The following NAALADL2 variants were observed in gnomAD, a reference collection of about 807,000 sequenced individuals.
NAALADL2 encodes the protein inactive N-acetylated-alpha-linked acidic dipeptidase-like protein 2.
NAALADL2 carries 76 observed loss-of-function variants against 87.2 expected under a neutral mutation model. The observed-to-expected ratio is 0.87, with a 90% confidence interval of 0.72 to 1.05. NAALADL2 has a LOEUF of 1.05. Among genes scored for constraint, NAALADL2 ranks in the 50% least tolerant of loss-of-function variants. The probability of loss-of-function intolerance (pLI) is 0.00; values close to 1 mark genes in which losing one functional copy is unlikely to be tolerated. For missense variants in NAALADL2, 1,089 were observed against 945.8 expected (o/e 1.15, Z -1.99); for synonymous variants, 354 against 331.0 (o/e 1.07, Z -0.75).
intron 5 of NAALADL2, among the ~76,000 whole-genome samples, chr3:175,363,537 T>C (rs924424849): frequency 6.8e-6 from 1 of 147,706 alleles, no homozygotes; most frequent in African/African-American, 2.5e-5. Flanking sequence ...TGTCTCTCTG[T>C]GTCTTTGCTT....
At chr3:174,517,983 A>C (rs893486460) in intron 1 of NAALADL2, among the ~76,000 whole-genome samples, 13 of 152,146 alleles carry the variant, frequency 8.5e-5, no homozygotes, top group African/African-American at 3.1e-4. Flanking sequence ...AGACGACTGA[A>C]GTGTAGAGGT....
intron 10 of NAALADL2, among the ~76,000 whole-genome samples, chr3:175,591,782 GTGTA>G (rs1213834212): frequency 2.4e-4 from 5 of 20,526 alleles, no homozygotes; most frequent in Admixed American, 1.6e-3. Flanking sequence ...GTGTGTGTGT[GTGTA>G]TATATATATA....
chr3:175,056,645 A>G (rs917340542), intron 1 of NAALADL2, among the ~76,000 whole-genome samples: 6 of 152,108 alleles, frequency 3.9e-5, no homozygotes, highest in Admixed American at 3.3e-4. Flanking sequence ...TCCAACAGAG[A>G]TTTACCTATG....
At chr3:174,492,823 C>T (rs1011380871) in intron 1 of NAALADL2, among the ~76,000 whole-genome samples, 2 of 152,104 alleles carry the variant, frequency 1.3e-5, no homozygotes, top group African/African-American at 2.4e-5. Context: ...TCAGTCTGAC[C>T]ACTTTCCTTT....
At chr3:174,800,837 A>G (rs1718739678) in intron 3 of NAALADL2, among the ~76,000 whole-genome samples, 1 of 152,208 alleles carries the variant, frequency 6.6e-6, no homozygotes, top group African/African-American at 2.4e-5. Context: ...GATGAGAGAC[A>G]TGGAGTCAAA....
rs149408471 is a variant in NAALADL2 at position 175,530,336 on chromosome 3, A to C, written c.1654-45705A>C. Among the ~76,000 whole-genome samples the C allele has an allele frequency of 8.6e-3, 1,309 of 152,268 alleles. 21 individuals carry two copies. The highest frequency in any genetic ancestry group is 0.03 in the African/African-American group (1,248 of 41,534). On this transcript the variant is annotated intron_variant, in intron 9 of 13. Transcript: ENST00000454872. ...TAAATTTATTTGTCGCCAATTTTCC[A>C]ATCATGCTTCTTCCAAGTCACTGAC... is the stretch of plus-strand genomic sequence containing the variant.
intron 3 of NAALADL2, among the ~76,000 whole-genome samples, chr3:174,803,086 C>T (rs1719030241): frequency 6.6e-6 from 1 of 152,156 alleles, no homozygotes; most frequent in Non-Finnish European, 1.5e-5. Context: ...CTACTTTACG[C>T]TCCCACCAAC....
At chr3:174,867,029 T>C (rs1579269776) in intron 1 of NAALADL2, among the ~76,000 whole-genome samples, 2 of 151,844 alleles carry the variant, frequency 1.3e-5, no homozygotes, top group East Asian at 1.9e-4. Flanking sequence ...AAATATCTTA[T>C]GTTGTTTAGT....
intron 2 of NAALADL2, among the ~76,000 whole-genome samples, chr3:174,689,970 TA>T (rs3040030): frequency 0.52 from 78,096 of 149,208 alleles, 20,758 homozygotes; most frequent in East Asian, 0.84. Context: ...CTTGATCTTC[TA>T]AAAAAAAAAA....
intron 9 of NAALADL2, among the ~76,000 whole-genome samples, chr3:175,479,981 G>A (rs1183076853): frequency 6.6e-6 from 1 of 151,882 alleles, no homozygotes; most frequent in Non-Finnish European, 1.5e-5. Context: ...ACCTTCAGGT[G>A]CTCAAACACT....
chr3:174,671,771 A>G (rs579261), intron 2 of NAALADL2, among the ~76,000 whole-genome samples: 97,006 of 151,828 alleles, frequency 0.64, 31,726 homozygotes, highest in Admixed American at 0.72. Flanking sequence ...GAAGCCCAGC[A>G]TTTCTGCTTT....
At chr3:175,466,917 C>A in intron 7 of NAALADL2, 62 bp from the exon 8 acceptor site, 1 of 1,300,066 alleles carries the variant, frequency 7.7e-7, no homozygotes, top group Non-Finnish European at 1.1e-6. Flanking sequence ...ATGTAAATGT[C>A]ATTAAATTTA....
intron 9 of NAALADL2, among the ~76,000 whole-genome samples, chr3:175,556,380 C>T (rs1436365795): frequency 1.3e-5 from 2 of 152,066 alleles, no homozygotes; most frequent in Non-Finnish European, 2.9e-5. Context: ...GACTATAATA[C>T]CCAAATTACC....
At chr3:174,796,257 T>C (rs970881066) in intron 3 of NAALADL2, among the ~76,000 whole-genome samples, 1 of 152,160 alleles carries the variant, frequency 6.6e-6, no homozygotes, top group Non-Finnish European at 1.5e-5. Context: ...CGGGTACAAG[T>C]ACAATTTTGT....
At chr3:175,340,999 GT>G (rs574283868) in intron 5 of NAALADL2, among the ~76,000 whole-genome samples, 4,019 of 145,796 alleles carry the variant, frequency 0.028, 152 homozygotes, top group African/African-American at 0.092. Flanking sequence ...TTCAACTAAG[GT>G]TTTTTTTTTT....
chr3:175,154,847 T>G (rs2108802439), intron 2 of NAALADL2, among the ~76,000 whole-genome samples: 1 of 152,288 alleles, frequency 6.6e-6, no homozygotes, highest in African/African-American at 2.4e-5. Context: ...AAAGCCACTG[T>G]TTGAAAGGAT....
At chr3:175,047,834 T>G (rs1443834457) in intron 1 of NAALADL2, among the ~76,000 whole-genome samples, 2 of 152,226 alleles carry the variant, frequency 1.3e-5, no homozygotes, top group African/African-American at 4.8e-5. Flanking sequence ...TCACCTTTCA[T>G]ATATTCACAA....
intron 1 of NAALADL2, among the ~76,000 whole-genome samples, chr3:174,885,021 A>G (rs1729904945): frequency 6.6e-6 from 1 of 152,192 alleles, no homozygotes; most frequent in Non-Finnish European, 1.5e-5. Context: ...TGATGGCAGC[A>G]TGAGTCAGGG....
intron 1 of NAALADL2, among the ~76,000 whole-genome samples, chr3:174,461,213 T>C (rs1326472452): frequency 6.6e-6 from 1 of 152,106 alleles, no homozygotes; most frequent in African/African-American, 2.4e-5. Context: ...ACCTGAGTTG[T>C]ATGCAAAATG....
Sources: gnomAD v4.1 joint callset for allele counts (sites outside exome capture counted in the v4.1 genomes callset) on GRCh38, gnomAD v4.1.1 for gene constraint, MANE v1.5 for transcripts, NCBI Gene and HGNC (gene_info 2026-07-23, HGNC 2026-07-21) for gene names.